The following PALS2 variants were observed in gnomAD, a reference collection of about 807,000 sequenced individuals.
PALS2 encodes the protein protein PALS2.
In PALS2, 27 loss-of-function variants were observed where a neutral mutation model predicts 61.6. The ratio of observed to expected loss-of-function variants is 0.44; its 90% CI spans 0.32 to 0.60. The LOEUF (loss-of-function observed/expected upper bound fraction) is 0.60, where lower values mean the gene tolerates loss of function less well. Ranked by LOEUF, PALS2 falls within the 20% of genes least tolerant of loss-of-function variation. PALS2 has a pLI of 0.05. For synonymous variants in PALS2, 236 were observed against 218.6 expected (o/e 1.08, Z -0.70); for missense variants, 554 against 639.4 (o/e 0.87, Z 1.44).
chr7:24,667,657 ATTTTT>A lies in PALS2; in HGVS notation c.953-820_953-816del, dbSNP rs11284911. 7.0e-3 allele frequency among the ~76,000 whole-genome samples: 690 copies of A among 98,652 alleles called. 2 individuals are homozygous for A. The highest frequency in any genetic ancestry group is 0.02 in the African/African-American group (502 of 24,858). 64.7% of individuals were successfully genotyped at this position (98,652 alleles called of 152,430 possible). A position where few individuals can be genotyped will look rare whatever the true frequency, so the allele number is the denominator to read the frequency against. On this transcript the variant is annotated intron_variant, in intron 8 of 11. Coordinates refer to ENST00000222644, the MANE Select transcript of PALS2 (RefSeq NM_001303037.2). ...GAATTTTTCTAGCTTGATTAGATAA[ATTTTT>A]TTTTTTTTTTTTTTTTTTTTTGAGA...
intron 1 of PALS2, among the ~76,000 whole-genome samples, chr7:24,610,072 T>A (rs922911033): frequency 6.6e-6 from 1 of 152,072 alleles, no homozygotes; most frequent in South Asian, 2.1e-4. Flanking sequence ...ACCAAACCCA[T>A]CAAATAAAGA....
At chr7:24,656,588 C>T (rs944906459) in intron 5 of PALS2, among the ~76,000 whole-genome samples, 1 of 152,096 alleles carries the variant, frequency 6.6e-6, no homozygotes, top group Non-Finnish European at 1.5e-5. Flanking sequence ...GTGACATGAT[C>T]ACAGCTCACT....
intron 2 of PALS2, among the ~76,000 whole-genome samples, chr7:24,640,844 T>TA (rs1411387104): frequency 1.3e-5 from 2 of 151,140 alleles, no homozygotes; most frequent in African/African-American, 4.9e-5. Context: ...CTGTCTCTAC[T>TA]AAAAATACAA....
chr7:24,586,482 G>C (rs1224389021), intron 1 of PALS2, among the ~76,000 whole-genome samples: 1 of 152,300 alleles, frequency 6.6e-6, no homozygotes, highest in East Asian at 1.9e-4. Context: ...CCTTAGATGG[G>C]ATGAGTAACA....
At chr7:24,614,453 T>C (rs1583876448) in intron 1 of PALS2, among the ~76,000 whole-genome samples, 1 of 152,112 alleles carries the variant, frequency 6.6e-6, no homozygotes, top group East Asian at 1.9e-4. Flanking sequence ...ATAGTAACAA[T>C]TTGACTTCTC....
At chr7:24,622,683 CTTT>C (rs70942815) in intron 1 of PALS2, among the ~76,000 whole-genome samples, 3 of 135,674 alleles carry the variant, frequency 2.2e-5, no homozygotes, top group Admixed American at 7.4e-5. Context: ...TTTCTTTTTT[CTTT>C]TTTTTTTTTT....
chr7:24,590,999 CT>C (rs776754586), intron 1 of PALS2, among the ~76,000 whole-genome samples: 2 of 152,070 alleles, frequency 1.3e-5, no homozygotes, highest in Non-Finnish European at 2.9e-5. Context: ...AGTTCCTAAA[CT>C]TCTGGTTTGC....
At chr7:24,637,916 T>C (rs1785318212) in intron 2 of PALS2, among the ~76,000 whole-genome samples, 2 of 152,212 alleles carry the variant, frequency 1.3e-5, no homozygotes, top group Admixed American at 1.3e-4. Context: ...AAGTGAAATA[T>C]ATTTTTATTG....
intron 1 of PALS2, among the ~76,000 whole-genome samples, chr7:24,606,502 A>G (rs1260774194): frequency 1.3e-5 from 2 of 151,912 alleles, no homozygotes; most frequent in Non-Finnish European, 2.9e-5. Context: ...TTTCACTGAC[A>G]CTTTGAAAAA....
intron 3 of PALS2, among the ~76,000 whole-genome samples, chr7:24,648,229 C>G (rs189942687): frequency 6.6e-6 from 1 of 151,986 alleles, no homozygotes; most frequent in Non-Finnish European, 1.5e-5. Flanking sequence ...TTCTATCCAG[C>G]CCCTCAAGAA....
intron 9 of PALS2, among the ~76,000 whole-genome samples, chr7:24,676,042 C>T (rs1275293006): frequency 1.4e-5 from 2 of 147,678 alleles, no homozygotes; most frequent in Non-Finnish European, 3.0e-5. Context: ...TCCACATCCT[C>T]TCCAGCACCT....
intron 1 of PALS2, among the ~76,000 whole-genome samples, chr7:24,585,538 A>G (rs1197173172): frequency 2.0e-5 from 3 of 152,268 alleles, no homozygotes; most frequent in East Asian, 1.9e-4. Context: ...TCAGCTTGCT[A>G]TATAGCCAAG....
At chr7:24,686,834 T>G (rs908660364) in intron 11 of PALS2, among the ~76,000 whole-genome samples, 3 of 152,230 alleles carry the variant, frequency 2.0e-5, no homozygotes, top group Admixed American at 6.5e-5. Context: ...CCATTGCTTA[T>G]GTACTCCCCA....
chr7:24,658,551 T>C (rs1392581029), intron 5 of PALS2, among the ~76,000 whole-genome samples: 1 of 135,722 alleles, frequency 7.4e-6, no homozygotes, highest in Non-Finnish European at 1.5e-5. Context: ...TTCTTTTTTT[T>C]TCTTCCAACT....
chr7:24,658,763 G>T (rs1008742290), intron 5 of PALS2, among the ~76,000 whole-genome samples: 1 of 151,684 alleles, frequency 6.6e-6, no homozygotes, highest in Non-Finnish European at 1.5e-5. Flanking sequence ...CATCACGTTG[G>T]CCAGGATGGT....
intron 1 of PALS2, among the ~76,000 whole-genome samples, chr7:24,578,713 A>G (rs772977371): frequency 2.6e-5 from 4 of 152,240 alleles, no homozygotes; most frequent in Non-Finnish European, 4.4e-5. Context: ...TCAATAAACT[A>G]TATCTCATTA....
chr7:24,586,732 C>T (rs116242168), intron 1 of PALS2, among the ~76,000 whole-genome samples: 1,773 of 152,144 alleles, frequency 0.012, 45 homozygotes, highest in African/African-American at 0.04. Flanking sequence ...GATAGTCTTA[C>T]GCCTAGTAGA....
chr7:24,586,241 A>G (rs1227759674), intron 1 of PALS2, among the ~76,000 whole-genome samples: 1 of 152,164 alleles, frequency 6.6e-6, no homozygotes, highest in Non-Finnish European at 1.5e-5. Context: ...TTTAGCCATA[A>G]AATAAAATAC....
At chr7:24,595,760 G>GGGT (rs1783500480) in intron 1 of PALS2, among the ~76,000 whole-genome samples, 1 of 150,904 alleles carries the variant, frequency 6.6e-6, no homozygotes, top group South Asian at 2.1e-4. Context: ...CTGTATGTAA[G>GGGT]GGTGGTAGCG....
Sources: gnomAD v4.1 joint callset for allele counts (sites outside exome capture counted in the v4.1 genomes callset) on GRCh38, gnomAD v4.1.1 for gene constraint, MANE v1.5 for transcripts, NCBI Gene and HGNC (gene_info 2026-07-23, HGNC 2026-07-21) for gene names.